PCDH15: variants seen among roughly 807,000 people sequenced by gnomAD.
PCDH15 encodes protocadherin related 15.
A neutral mutation model predicts 178.5 loss-of-function variants in PCDH15; 129 were observed. The ratio of observed to expected loss-of-function variants is 0.72; its 90% CI spans 0.63 to 0.84. PCDH15 has a LOEUF of 0.84. Ranked by LOEUF, PCDH15 falls within the 40% of genes least tolerant of loss-of-function variation. The probability of loss-of-function intolerance (pLI) is 0.00; values close to 1 mark genes in which losing one functional copy is unlikely to be tolerated. For missense variants in PCDH15, 2,230 were observed against 2,099.9 expected, an observed-to-expected ratio of 1.06 and a Z score of -1.21; for synonymous variants, 800 against 732.0, an observed-to-expected ratio of 1.09 and a Z score of -1.50.
intron 2 of PCDH15, among the ~76,000 whole-genome samples, chr10:55,578,337 C>A (rs2132117065): frequency 6.6e-6 from 1 of 152,272 alleles, no homozygotes; most frequent in Admixed American, 6.5e-5. Context: ...CCTGCCTCAG[C>A]CTCCTGAGTA....
chr10:54,852,126 C>T (rs1953632990), intron 3 of PCDH15, among the ~76,000 whole-genome samples: 1 of 152,084 alleles, frequency 6.6e-6, no homozygotes, highest in Non-Finnish European at 1.5e-5. Context: ...AATGAGCATC[C>T]AAGGTCTGCA....
intron 16 of PCDH15, among the ~76,000 whole-genome samples, chr10:54,082,760 TA>T (rs59138402): frequency 0.2 from 26,517 of 134,736 alleles, 2,734 homozygotes; most frequent in Non-Finnish European, 0.25. Context: ...TTCGTCAAAA[TA>T]AAAAAAAAAA....
At chr10:55,217,461 T>G (rs977352488) in intron 1 of PCDH15, among the ~76,000 whole-genome samples, 3 of 151,892 alleles carry the variant, frequency 2.0e-5, no homozygotes, top group African/African-American at 4.8e-5. Flanking sequence ...TTTTTTATGT[T>G]CACTGTTAAA....
intron 23 of PCDH15, among the ~76,000 whole-genome samples, chr10:53,959,510 A>G (rs1038117587): frequency 6.6e-6 from 1 of 152,236 alleles, no homozygotes; most frequent in South Asian, 2.1e-4. Flanking sequence ...CTAATTTTTT[A>G]AAAAGTATCC....
intron 2 of PCDH15, among the ~76,000 whole-genome samples, chr10:55,138,575 C>T (rs1038573393): frequency 1.3e-5 from 2 of 152,010 alleles, no homozygotes; most frequent in Admixed American, 6.6e-5. Context: ...ATCTCAGAGG[C>T]CAAATTAAAA....
At chr10:54,534,750 A>G (rs945891866) in intron 2 of PCDH15, among the ~76,000 whole-genome samples, 1 of 152,020 alleles carries the variant, frequency 6.6e-6, no homozygotes, top group Non-Finnish European at 1.5e-5. Flanking sequence ...TCTGTTTTCA[A>G]TTTGCATGTC....
chr10:54,375,642 T>C (rs973410174), intron 4 of PCDH15, among the ~76,000 whole-genome samples: 4 of 151,250 alleles, frequency 2.6e-5, no homozygotes, highest in Non-Finnish European at 5.9e-5. Context: ...TAAAAATAAT[T>C]TCAAGAGCAA....
chr10:55,069,063 A>AT lies in PCDH15; in HGVS notation c.-80+97512dup, dbSNP rs34609396. Among the ~76,000 whole-genome samples, 757 of 143,270 alleles carry AT rather than the reference A, an allele frequency of 5.3e-3. 10 individuals carry two copies. Among genetic ancestry groups the AT allele is most frequent in the African/African-American group, 0.017 (665 of 38,542 alleles). 94.0% of individuals were successfully genotyped at this position (143,270 alleles called of 152,430 possible). A position where few individuals can be genotyped will look rare whatever the true frequency, so the allele number is the denominator to read the frequency against. On this transcript the variant is annotated intron_variant, in intron 2 of 5. Transcript: ENST00000458638. ...CAGGTATGTTCCACCATGTCCAGCT[A>AT]TTTTTTTTTTTTTTTGTATTTTTAG... is the stretch of plus-strand genomic sequence containing the variant.
At chr10:55,134,211 T>A (rs1838131726) in intron 2 of PCDH15, among the ~76,000 whole-genome samples, 1 of 152,102 alleles carries the variant, frequency 6.6e-6, no homozygotes, top group Non-Finnish European at 1.5e-5. Context: ...TTCATCCAAG[T>A]CAACAATTCA....
chr10:55,399,393 T>C (rs1446186813), intron 2 of PCDH15, among the ~76,000 whole-genome samples: 1 of 152,184 alleles, frequency 6.6e-6, no homozygotes, highest in Non-Finnish European at 1.5e-5. Context: ...AGACCAAATC[T>C]TTAAATAAAA....
intron 2 of PCDH15, among the ~76,000 whole-genome samples, chr10:55,118,540 T>A (rs1256034132): frequency 1.3e-5 from 2 of 152,206 alleles, no homozygotes; most frequent in African/African-American, 4.8e-5. Flanking sequence ...TTAGAATTTG[T>A]GCATGTGGGA....
intron 1 of PCDH15, among the ~76,000 whole-genome samples, chr10:55,174,997 C>T (rs1490682227): frequency 2.0e-5 from 3 of 152,054 alleles, no homozygotes; most frequent in Non-Finnish European, 4.4e-5. Flanking sequence ...TTGACTACCA[C>T]TGAGAAGCAG....
At chr10:54,177,834 T>A (rs975071247) in intron 13 of PCDH15, among the ~76,000 whole-genome samples, 1 of 152,170 alleles carries the variant, frequency 6.6e-6, no homozygotes, top group Non-Finnish European at 1.5e-5. Context: ...AAAATAAAGA[T>A]AATTGATTAG....
chr10:55,352,674 T>C (rs1844968125), intron 2 of PCDH15, among the ~76,000 whole-genome samples: 1 of 152,240 alleles, frequency 6.6e-6, no homozygotes, highest in East Asian at 1.9e-4. Flanking sequence ...CGTTTTGAAG[T>C]GTTGTCTCCT....
intron 2 of PCDH15, among the ~76,000 whole-genome samples, chr10:54,996,558 A>G (rs1335302591): frequency 2.0e-5 from 3 of 152,016 alleles, no homozygotes. Context: ...TGCCTTCTTC[A>G]TGGTTGGTCT....
At chr10:54,627,481 T>C (rs2093587863) in intron 2 of PCDH15, among the ~76,000 whole-genome samples, 1 of 152,192 alleles carries the variant, frequency 6.6e-6, no homozygotes. Context: ...ACAAACTCTC[T>C]CTTTGCCTGC....
chr10:53,949,578 T>TA (rs565170306), intron 23 of PCDH15, among the ~76,000 whole-genome samples: 2,304 of 151,978 alleles, frequency 0.015, 64 homozygotes, highest in African/African-American at 0.052. Context: ...ACAAAATAAT[T>TA]AAAAAAAAAA....
At chr10:54,243,859 G>C (rs1354105946) in intron 8 of PCDH15, among the ~76,000 whole-genome samples, 1 of 151,986 alleles carries the variant, frequency 6.6e-6, no homozygotes, top group African/African-American at 2.4e-5. Context: ...TGAGTAGTAT[G>C]GGCCAAGCCA....
At chr10:55,606,011 C>T (rs1256369796) in intron 2 of PCDH15, among the ~76,000 whole-genome samples, 167 of 68,656 alleles carry the variant, frequency 2.4e-3, no homozygotes, top group African/African-American at 6.8e-3. Context: ...TGTCTCAGCC[C>T]AAAATCTCCT....
Sources: allele counts gnomAD v4.1 joint callset (sites outside exome capture counted in the v4.1 genomes callset), GRCh38; gene constraint gnomAD v4.1.1; transcripts MANE v1.5; gene names NCBI Gene and HGNC (gene_info 2026-07-23, HGNC 2026-07-21).